The following PSTPIP1 variants were observed in gnomAD, a reference collection of about 807,000 sequenced individuals.
PSTPIP1 encodes the protein proline-serine-threonine phosphatase-interacting protein 1.
PSTPIP1 carries 66 observed loss-of-function variants against 69.6 expected under a neutral mutation model. The observed-to-expected ratio is 0.95, with a 90% confidence interval of 0.78 to 1.16. The LOEUF is 1.16. Among genes scored for constraint, PSTPIP1 ranks in the 50% most tolerant of loss-of-function variants. The pLI, the probability that PSTPIP1 is intolerant of heterozygous loss-of-function variation, is 0.00. For missense variants in PSTPIP1, 603 were observed against 557.4 expected, an observed-to-expected ratio of 1.08 and a Z score of -0.82; for synonymous variants, 266 against 222.7, an observed-to-expected ratio of 1.19 and a Z score of -1.73.
At chr15:77,026,933 A>G (rs1271282308) in intron 5 of PSTPIP1, among the ~76,000 whole-genome samples, 1 of 152,230 alleles carries the variant, frequency 6.6e-6, no homozygotes, top group East Asian at 1.9e-4. Flanking sequence ...CCAAGTGGCC[A>G]GGGCCCCGCA....
At chr15:76,996,512 C>T (rs2075583366) in intron 1 of PSTPIP1, among the ~76,000 whole-genome samples, 1 of 152,224 alleles carries the variant, frequency 6.6e-6, no homozygotes. Context: ...ACGCTCTGGC[C>T]CTCGGCTCAG....
intron 6 of PSTPIP1, 120 bp downstream of exon 6, chr15:77,028,034 C>A: frequency 2.1e-6 from 2 of 961,332 alleles, no homozygotes; most frequent in South Asian, 2.9e-5. Context: ...AGCCTTGGTC[C>A]TCGGACCTCG....
chr15:77,020,912 G>A (rs1053777744), intron 3 of PSTPIP1, among the ~76,000 whole-genome samples: 2 of 151,592 alleles, frequency 1.3e-5, no homozygotes, highest in Admixed American at 6.6e-5. Context: ...AAGGTGACCC[G>A]GCTCTTCAAC....
intron 9 of PSTPIP1, 39 bp from the exon 10 acceptor site, chr15:77,031,140 GC>G: frequency 1.3e-6 from 2 of 1,585,192 alleles, no homozygotes; most frequent in Non-Finnish European, 1.7e-6. Flanking sequence ...GGGCCCTGCA[GC>G]CGCCTCCTCA....
At chr15:77,001,783 G>A (rs557663802) in intron 1 of PSTPIP1, among the ~76,000 whole-genome samples, 1 of 152,188 alleles carries the variant, frequency 6.6e-6, no homozygotes, top group Non-Finnish European at 1.5e-5. Context: ...TTATACTGGC[G>A]CAGGCTTGTA....
At chr15:77,025,642 A>AT (rs2076264363) in intron 5 of PSTPIP1, 38 bp downstream of exon 5, 1 of 1,328,306 alleles carries the variant, frequency 7.5e-7, no homozygotes, top group African/African-American at 1.5e-5. Context: ...CTGCTCCCCC[A>AT]TTGCCAGCCT....
chr15:77,020,646 G>A (rs1038588060), intron 3 of PSTPIP1, among the ~76,000 whole-genome samples: 2 of 152,168 alleles, frequency 1.3e-5, no homozygotes, highest in South Asian at 2.1e-4. Context: ...CTTAGCCAGA[G>A]TCCAGCACAG....
intron 7 of PSTPIP1, 117 bp downstream of exon 7, chr15:77,028,769 CCT>C: frequency 1.1e-6 from 1 of 881,004 alleles, no homozygotes; most frequent in South Asian, 2.0e-5. Context: ...GCTGCTTAGC[CCT>C]CTCTGACCCC....
rs990809425 is a variant in PSTPIP1 at position 77,027,144 on chromosome 15, C to T, written c.355-708C>T. Among the ~76,000 whole-genome samples, 2 of 152,212 alleles carry T rather than the reference C, an allele frequency of 1.3e-5. No individual in the cohort carries two copies. Among genetic ancestry groups the T allele is most frequent in the Admixed American group, 1.3e-4 (2 of 15,286 alleles). ...TGTGTGTGTGTGAGTGCCTGTGCCTCGCTGGTCTCCCAGCTGGCACAGAAC... is the reference window on the plus strand; with the variant it reads ...TGTGTGTGTGTGAGTGCCTGTGCCTTGCTGGTCTCCCAGCTGGCACAGAAC... On this transcript the variant is annotated intron_variant, in intron 5 of 14. Transcript: ENST00000558012. The surrounding 1 kb of genome is among the most constrained non-coding windows in gnomAD (Gnocchi z 4.3).
chr15:77,018,554 G>T (rs2076098430), intron 3 of PSTPIP1, 23 bp downstream of exon 3: 3 of 1,540,868 alleles, frequency 1.9e-6, no homozygotes, highest in Non-Finnish European at 2.6e-6. Context: ...GGGCCCTGGG[G>T]CTCACTCCTC....
intron 1 of PSTPIP1, among the ~76,000 whole-genome samples, chr15:77,003,465 C>T (rs2075752666): frequency 6.6e-6 from 1 of 152,092 alleles, no homozygotes; most frequent in African/African-American, 2.4e-5. Flanking sequence ...ACCAGCCTGG[C>T]CACCATGGTG....
intron 11 of PSTPIP1, 105 bp downstream of exon 11, chr15:77,032,499 C>A: frequency 1.6e-6 from 2 of 1,239,986 alleles, no homozygotes; most frequent in Non-Finnish European, 2.3e-6. Context: ...TAGCTCACAG[C>A]TCCCTTCAGG....
intron 9 of PSTPIP1, 29 bp downstream of exon 9, chr15:77,030,610 C>A (rs1188999477): frequency 6.4e-7 from 1 of 1,573,354 alleles, no homozygotes; most frequent in Non-Finnish European, 8.7e-7. Context: ...GCCTCGTTTT[C>A]CCCAGCTGGG....
Position 77,016,064 on chromosome 15 carries a change from G to A in PSTPIP1, c.37-2084G>A, listed in dbSNP as rs115730377. 3.1e-3 allele frequency: 1,433 copies of A among 456,200 alleles called. 9 individuals are homozygous for A. The highest frequency in any genetic ancestry group is 0.025 in the African/African-American group (1,234 of 50,168). The allele number at this position is 456,200 out of a possible 1,614,324, so 28.3% of individuals were successfully genotyped here. ...AGGACAGGAGAAGGGTTCCCTTGGC[G>A]TCAGGGCTGGGTGTGGGGCTGGGCT... On this transcript the variant is annotated intron_variant, in intron 1 of 14. Transcript: ENST00000558012.
intron 1 of PSTPIP1, among the ~76,000 whole-genome samples, chr15:77,000,399 G>A (rs2075673769): frequency 6.6e-6 from 1 of 151,744 alleles, no homozygotes; most frequent in Admixed American, 6.6e-5. Context: ...CCATGGCCCA[G>A]GGGCATCAGG....
At position 77,030,595 on chromosome 15, in the gene PSTPIP1, G is replaced by C; in HGVS notation, c.642+14G>C. 1.3e-6 allele frequency: 2 copies of C among 1,583,950 alleles called. No individual in the cohort carries two copies. Among genetic ancestry groups the C allele is most frequent in the Non-Finnish European group, 1.7e-6 (2 of 1,157,444 alleles). ...ACCACCTGTGAGGTGAGTGGCCCAC[G>C]TGGAGCCTCGTTTTCCCCAGCTGGG... On this transcript the variant is annotated intron_variant, in intron 9 of 14. Coordinates refer to ENST00000558012, the MANE Select transcript of PSTPIP1 (RefSeq NM_003978.5).
At chr15:77,008,252 G>A (rs1454112278) in intron 1 of PSTPIP1, among the ~76,000 whole-genome samples, 1 of 152,172 alleles carries the variant, frequency 6.6e-6, no homozygotes. Context: ...CAAAGAAACA[G>A]GTGTGGCTGG....
Position 77,018,528 on chromosome 15 carries a change from T to A in PSTPIP1, c.209T>A (p.Ile70Asn), listed in dbSNP as rs1244187849. The A allele has an allele frequency of 2.6e-6, 4 of 1,562,060 alleles. No individual in the cohort carries two copies. Among genetic ancestry groups the A allele is most frequent in the Non-Finnish European group, 3.5e-6 (4 of 1,153,156 alleles). The change falls in exon 3 of 15, where the codon ATC becomes AAC. Residue 70 changes from isoleucine to asparagine, a missense_variant. Transcript: ENST00000558012. Reference protein sequence around the residue: ...IARKAGGQTEINSLRASFDSL... With the variant: ...IARKAGGQTENNSLRASFDSL... ...CGGAAGGCAGGTGGCCAGACGGAGA[T>A]CAAGTAAGATCTCCCGGGCCCTGGG...
chr15:77,026,600 C>A (rs2076285888), intron 5 of PSTPIP1, among the ~76,000 whole-genome samples: 1 of 152,230 alleles, frequency 6.6e-6, no homozygotes, highest in African/African-American at 2.4e-5. Flanking sequence ...GCCATGCGCC[C>A]CTCAGTCTCC....
Sources: allele counts gnomAD v4.1 joint callset (sites outside exome capture counted in the v4.1 genomes callset), GRCh38; gene constraint gnomAD v4.1.1; non-coding constraint Gnocchi (gnomAD v3.1); transcripts MANE v1.5; gene names NCBI Gene and HGNC (gene_info 2026-07-23, HGNC 2026-07-21).